SYNPR: variants seen among roughly 807,000 people sequenced by gnomAD.
The protein encoded by SYNPR is synaptoporin.
A neutral mutation model predicts 32.9 loss-of-function variants in SYNPR; 23 were observed. That is an observed-to-expected ratio of 0.70 (90% CI 0.50 to 0.99). The LOEUF (loss-of-function observed/expected upper bound fraction) is 0.99. Ranked by LOEUF, SYNPR falls within the 50% of genes least tolerant of loss-of-function variation. SYNPR has a pLI of 0.00. For missense variants in SYNPR, 318 were observed against 349.3 expected, an observed-to-expected ratio of 0.91 and a Z score of 0.71; for synonymous variants, 146 against 135.9, an observed-to-expected ratio of 1.07 and a Z score of -0.52.
intron 2 of SYNPR, among the ~76,000 whole-genome samples, chr3:63,344,215 G>C (rs1341550531): frequency 6.6e-6 from 1 of 152,096 alleles, no homozygotes; most frequent in Non-Finnish European, 1.5e-5. Flanking sequence ...AAAAAAAGAA[G>C]ACCCAAAGTA....
At chr3:63,482,824 T>G (rs1701074103) in intron 3 of SYNPR, among the ~76,000 whole-genome samples, 2 of 152,230 alleles carry the variant, frequency 1.3e-5, no homozygotes, top group South Asian at 4.1e-4. Context: ...ATGTACATAT[T>G]CATAACCTGT....
At chr3:63,462,066 C>T (rs1303490448) in intron 2 of SYNPR, among the ~76,000 whole-genome samples, 1 of 152,106 alleles carries the variant, frequency 6.6e-6, no homozygotes, top group African/African-American at 2.4e-5. Context: ...TTGGCCACTG[C>T]AGCCACAGTA....
At chr3:63,577,468 T>G (rs1345585147) in intron 4 of SYNPR, among the ~76,000 whole-genome samples, 1 of 152,058 alleles carries the variant, frequency 6.6e-6, no homozygotes, top group Non-Finnish European at 1.5e-5. Flanking sequence ...ACTTGGGAAC[T>G]GTTTTTTTGG....
At chr3:63,527,503 G>A (rs1702035220) in intron 3 of SYNPR, among the ~76,000 whole-genome samples, 1 of 152,114 alleles carries the variant, frequency 6.6e-6, no homozygotes, top group African/African-American at 2.4e-5. Context: ...CCTGAAAAAT[G>A]GTGACATTGC....
At chr3:63,561,952 C>A (rs757027913) in intron 4 of SYNPR, among the ~76,000 whole-genome samples, 5 of 152,058 alleles carry the variant, frequency 3.3e-5, no homozygotes, top group Admixed American at 6.6e-5. Context: ...TTAGAAGTAA[C>A]ACAATTGTTA....
intron 2 of SYNPR, among the ~76,000 whole-genome samples, chr3:63,386,686 G>A (rs1031561375): frequency 2.0e-5 from 3 of 150,652 alleles, no homozygotes; most frequent in African/African-American, 7.4e-5. Flanking sequence ...AGGTTTTGAT[G>A]AGCCTCAGTT....
At chr3:63,358,493 A>C (rs1230288569) in intron 2 of SYNPR, among the ~76,000 whole-genome samples, 1 of 152,122 alleles carries the variant, frequency 6.6e-6, no homozygotes, top group South Asian at 2.1e-4. Flanking sequence ...ATCATCTCTC[A>C]TCTCAAGATC....
At chr3:63,614,329 G>A (rs957132196) in intron 5 of SYNPR, among the ~76,000 whole-genome samples, 1 of 152,216 alleles carries the variant, frequency 6.6e-6, no homozygotes, top group South Asian at 2.1e-4. Flanking sequence ...AACAAGTCAT[G>A]GAATGAGGAC....
chr3:63,313,030 G>T (rs1291938488), intron 2 of SYNPR, among the ~76,000 whole-genome samples: 1 of 151,854 alleles, frequency 6.6e-6, no homozygotes, highest in African/African-American at 2.4e-5. Context: ...CTTTGTTATT[G>T]CCTGGTTCCT....
At chr3:63,237,556 G>T (rs2086208830) in intron 1 of SYNPR, among the ~76,000 whole-genome samples, 2 of 151,672 alleles carry the variant, frequency 1.3e-5, no homozygotes, top group African/African-American at 4.8e-5. Flanking sequence ...GGCATCGGCT[G>T]GTTGTCTTCT....
At chr3:63,424,565 T>C (rs1699858710) in intron 2 of SYNPR, among the ~76,000 whole-genome samples, 1 of 152,230 alleles carries the variant, frequency 6.6e-6, no homozygotes, top group South Asian at 2.1e-4. Flanking sequence ...GTAGTTATTG[T>C]ATTATTATAT....
At chr3:63,406,215 A>C (rs894805004) in intron 2 of SYNPR, among the ~76,000 whole-genome samples, 8 of 152,010 alleles carry the variant, frequency 5.3e-5, no homozygotes, top group African/African-American at 1.9e-4. Flanking sequence ...TAAAAAAAAA[A>C]AAAGCCACCT....
chr3:63,578,337 T>C (rs932913432), intron 4 of SYNPR, among the ~76,000 whole-genome samples: 1 of 152,082 alleles, frequency 6.6e-6, no homozygotes, highest in African/African-American at 2.4e-5. Context: ...GCATGTGGCA[T>C]GAGATTTTGT....
At chr3:63,499,281 G>A (rs1701433785) in intron 3 of SYNPR, among the ~76,000 whole-genome samples, 1 of 152,192 alleles carries the variant, frequency 6.6e-6, no homozygotes, top group African/African-American at 2.4e-5. Flanking sequence ...CTGGAAGGAT[G>A]ATGGTGGGAG....
At chr3:63,450,316 A>G (rs1700355210) in intron 2 of SYNPR, among the ~76,000 whole-genome samples, 1 of 152,204 alleles carries the variant, frequency 6.6e-6, no homozygotes, top group Admixed American at 6.5e-5. Context: ...GGAAGCAGAT[A>G]ACACCTTCAA....
At chr3:63,571,120 G>C (rs530156080) in intron 4 of SYNPR, among the ~76,000 whole-genome samples, 1 of 152,258 alleles carries the variant, frequency 6.6e-6, no homozygotes, top group Non-Finnish European at 1.5e-5. Context: ...TCTCAGAAGA[G>C]ACTCAGCTTG....
intron 2 of SYNPR, chr3:63,289,411 G>A (rs1352108220): frequency 1.9e-5 from 3 of 162,004 alleles, no homozygotes; most frequent in African/African-American, 7.2e-5. Context: ...TCCACTTCTG[G>A]TGAAGGCCTC....
chr3:63,558,834 A>C (rs1702635582), intron 4 of SYNPR, among the ~76,000 whole-genome samples: 1 of 151,298 alleles, frequency 6.6e-6, no homozygotes, highest in Non-Finnish European at 1.5e-5. Context: ...ATAATAGGGT[A>C]ATTAATAATA....
At chr3:63,540,364 T>C (rs1014340341) in intron 3 of SYNPR, among the ~76,000 whole-genome samples, 4 of 152,200 alleles carry the variant, frequency 2.6e-5, no homozygotes, top group East Asian at 3.9e-4. Context: ...GTGAGTAGTC[T>C]GAACATAGAG....
Sources: allele counts gnomAD v4.1 joint callset (sites outside exome capture counted in the v4.1 genomes callset), GRCh38; gene constraint gnomAD v4.1.1; transcripts MANE v1.5; gene names NCBI Gene and HGNC (gene_info 2026-07-23, HGNC 2026-07-21).